GALNT13: variants seen among roughly 807,000 people sequenced by gnomAD.
GALNT13 encodes polypeptide N-acetylgalactosaminyltransferase 13.
A neutral mutation model predicts 64.2 loss-of-function variants in GALNT13; 28 were observed. The observed-to-expected ratio is 0.44, with a 90% CI of 0.32 to 0.60. GALNT13 has a LOEUF of 0.60. Among genes scored for constraint, GALNT13 ranks in the 20% least tolerant of loss-of-function variants. The pLI is 0.05. For synonymous variants in GALNT13, 214 were observed against 224.6 expected (o/e 0.95, Z 0.42); for missense variants, 577 against 669.8 (o/e 0.86, Z 1.53).
At chr2:153,242,631 G>C in the GALNT13 span, among the ~76,000 whole-genome samples, 9 of 152,200 alleles carry the variant, frequency 5.9e-5, no homozygotes, top group Non-Finnish European at 1.5e-5. Flanking sequence ...ATTAAAAATG[G>C]ATATCCAAGC....
intron 9 of GALNT13, among the ~76,000 whole-genome samples, chr2:154,332,515 T>C (rs768114066): frequency 1.3e-4 from 19 of 151,992 alleles, no homozygotes; most frequent in Non-Finnish European, 5.9e-5. Flanking sequence ...AAAATGAAAT[T>C]AAAAAAATAA....
the GALNT13 span, among the ~76,000 whole-genome samples, chr2:153,780,432 A>G: frequency 3.2e-4 from 49 of 152,006 alleles, no homozygotes; most frequent in Non-Finnish European, 5.4e-4. Flanking sequence ...GCTTATGTCT[A>G]ATCTCTGATT....
chr2:153,814,748 C>T, the GALNT13 span, among the ~76,000 whole-genome samples: 3 of 152,296 alleles, frequency 2.0e-5, no homozygotes, highest in South Asian at 4.1e-4. Context: ...TCCCTCCAGC[C>T]GTTTCAACGA....
chr2:153,608,252 G>A, the GALNT13 span, among the ~76,000 whole-genome samples: 7 of 152,074 alleles, frequency 4.6e-5, no homozygotes, highest in Non-Finnish European at 1.0e-4. Flanking sequence ...ATACGATAAC[G>A]TATTTAAAGG....
chr2:154,358,022 T>A (rs917170998), intron 9 of GALNT13, among the ~76,000 whole-genome samples: 1 of 152,106 alleles, frequency 6.6e-6, no homozygotes, highest in Non-Finnish European at 1.5e-5. Flanking sequence ...TTGAGTGGAA[T>A]GTGCCCTTCC....
chr2:153,387,478 GACTA>G, the GALNT13 span, among the ~76,000 whole-genome samples: 2 of 152,026 alleles, frequency 1.3e-5, no homozygotes, highest in Non-Finnish European at 2.9e-5. Flanking sequence ...GCTTTGTTTT[GACTA>G]ACTTTGTCGT....
intron 4 of GALNT13, among the ~76,000 whole-genome samples, chr2:154,151,955 G>T (rs1473230791): frequency 1.3e-5 from 2 of 152,110 alleles, no homozygotes; most frequent in African/African-American, 4.8e-5. Flanking sequence ...TGTTATGTGT[G>T]AATTTGATCC....
chr2:153,519,315 T>C, the GALNT13 span, among the ~76,000 whole-genome samples: 4 of 152,186 alleles, frequency 2.6e-5, no homozygotes, highest in African/African-American at 9.6e-5. Context: ...AACAATTTCC[T>C]TTGAGTTCTG....
the GALNT13 span, among the ~76,000 whole-genome samples, chr2:153,840,772 T>C: frequency 6.6e-6 from 1 of 152,124 alleles, no homozygotes. Flanking sequence ...ACAGGGGGAC[T>C]ATATACCCTA....
chr2:154,349,513 A>G (rs893515350), intron 9 of GALNT13, among the ~76,000 whole-genome samples: 1 of 152,234 alleles, frequency 6.6e-6, no homozygotes, highest in Non-Finnish European at 1.5e-5. Context: ...GCATAAAATC[A>G]AATTATTCAC....
At chr2:154,106,690 C>T (rs968312226) in intron 3 of GALNT13, among the ~76,000 whole-genome samples, 1 of 151,478 alleles carries the variant, frequency 6.6e-6, no homozygotes, top group Admixed American at 6.6e-5. Flanking sequence ...TGTTGTGTTC[C>T]TTTTTGTGGG....
chr2:153,803,996 C>T, the GALNT13 span, among the ~76,000 whole-genome samples: 206 of 152,250 alleles, frequency 1.4e-3, no homozygotes, highest in African/African-American at 4.7e-3. Flanking sequence ...AACATTTAAC[C>T]TGCTGCTGGA....
the GALNT13 span, among the ~76,000 whole-genome samples, chr2:153,199,827 C>T: frequency 1.7e-3 from 264 of 152,226 alleles, 1 homozygote; most frequent in African/African-American, 6.0e-3. Flanking sequence ...ACAATAACAA[C>T]TTTGAAGAAA....
At chr2:153,373,736 C>A in the GALNT13 span, among the ~76,000 whole-genome samples, 2 of 152,116 alleles carry the variant, frequency 1.3e-5, no homozygotes, top group Non-Finnish European at 2.9e-5. Flanking sequence ...GAATAACTCT[C>A]CATTTCCCTT....
chr2:153,944,679 A>G lies in GALNT13; in HGVS notation c.142+40A>G, dbSNP rs371563167. 39 of 1,536,826 alleles carry G rather than the reference A, an allele frequency of 2.5e-5. No homozygotes were observed. The African/African-American group carries it at 5.1e-4, about 20-fold the overall frequency. On this transcript the variant is annotated intron_variant, in intron 3 of 12. Coordinates refer to ENST00000392825, the MANE Select transcript of GALNT13 (RefSeq NM_052917.4). ...AGCAAATACTGTCTTTATAGAGATG[A>G]GAAAAGTGGTGCCTTGACAAAATGA...
At chr2:153,913,165 C>G (rs1689076156) in intron 2 of GALNT13, among the ~76,000 whole-genome samples, 1 of 152,102 alleles carries the variant, frequency 6.6e-6, no homozygotes, top group Non-Finnish European at 1.5e-5. Context: ...GGCAAGCTGT[C>G]TGTTTTCCCT....
the GALNT13 span, among the ~76,000 whole-genome samples, chr2:153,403,313 A>G: frequency 5.3e-5 from 8 of 151,682 alleles, no homozygotes; most frequent in African/African-American, 1.9e-4. Flanking sequence ...GTGCTGGGAG[A>G]ACCACTGCTC....
the GALNT13 span, among the ~76,000 whole-genome samples, chr2:153,739,720 A>G: frequency 6.6e-6 from 1 of 150,754 alleles, no homozygotes. Context: ...CTTACTTTGG[A>G]TACATTTTAC....
At position 154,417,509 on chromosome 2, in the gene GALNT13, A is replaced by ATTTTTTTTTTTTTTTTT. The variant is rs1202687837; in HGVS notation, c.1395+8430_1395+8431insTTTTTTTTTTTTTTTTT. Among the ~76,000 whole-genome samples the ATTTTTTTTTTTTTTTTT allele has an allele frequency of 5.2e-5, 7 of 133,400 alleles. No homozygotes were observed. The East Asian group carries it at 9.5e-4, about 18-fold the overall frequency. 87.5% of individuals were successfully genotyped at this position (133,400 alleles called of 152,430 possible). A position where few individuals can be genotyped will look rare whatever the true frequency, so the allele number is the denominator to read the frequency against. ...CATGCTTTTATTTATTTATTTATTT[A>ATTTTTTTTTTTTTTTTT]TTTATTTATTTATTTTTTTGAGGCG... On this transcript the variant is annotated intron_variant, in intron 11 of 12. Transcript: ENST00000392825.
Sources: allele counts gnomAD v4.1 joint callset (sites outside exome capture counted in the v4.1 genomes callset), GRCh38; gene constraint gnomAD v4.1.1; transcripts MANE v1.5; gene names NCBI Gene and HGNC (gene_info 2026-07-23, HGNC 2026-07-21).